Variants in GRK3 observed in about 807,000 individuals in gnomAD.
The protein encoded by GRK3 is G protein-coupled receptor kinase 3.
Under a neutral mutation model 95.7 loss-of-function variants are expected in GRK3, and 54 were observed. The ratio of observed to expected loss-of-function variants is 0.56; its 90% CI spans 0.45 to 0.71. GRK3 has a LOEUF of 0.71. GRK3 is among the 30% of genes least tolerant of loss of function. The probability of loss-of-function intolerance (pLI) is 0.00; values close to 1 mark genes in which losing one functional copy is unlikely to be tolerated. For missense variants in GRK3, 649 were observed against 851.2 expected (o/e 0.76, Z 2.96); for synonymous variants, 281 against 290.8 (o/e 0.97, Z 0.34).
chr22:25,629,006 C>T (rs1044049039), intron 2 of GRK3, among the ~76,000 whole-genome samples: 15 of 152,014 alleles, frequency 9.9e-5, no homozygotes, highest in Admixed American at 7.2e-4. Context: ...AGATGAAGGG[C>T]AGGAAAGAGG....
intron 2 of GRK3, among the ~76,000 whole-genome samples, chr22:25,622,568 G>A (rs1261965412): frequency 6.6e-6 from 1 of 152,188 alleles, no homozygotes; most frequent in Non-Finnish European, 1.5e-5. Context: ...AAAGAGGGGA[G>A]GCAGGGAACT....
intron 13 of GRK3, among the ~76,000 whole-genome samples, chr22:25,700,037 G>A (rs959631368): frequency 6.6e-6 from 1 of 152,162 alleles, no homozygotes; most frequent in Non-Finnish European, 1.5e-5. Context: ...TGTGACCAGC[G>A]TGCCCCCTTG....
At chr22:25,699,799 C>T (rs947106922) in intron 13 of GRK3, among the ~76,000 whole-genome samples, 29 of 151,174 alleles carry the variant, frequency 1.9e-4, no homozygotes, top group Non-Finnish European at 3.1e-4. Flanking sequence ...CACGGATTCA[C>T]GCCATTCTCC....
intron 1 of GRK3, among the ~76,000 whole-genome samples, chr22:25,583,758 T>G (rs761483061): frequency 2.0e-5 from 3 of 152,222 alleles, no homozygotes; most frequent in Non-Finnish European, 4.4e-5. Flanking sequence ...ATAGCCTATA[T>G]TAGACATAGC....
chr22:25,695,842 T>TC (rs1267244571), intron 13 of GRK3, among the ~76,000 whole-genome samples: 1 of 149,786 alleles, frequency 6.7e-6, no homozygotes, highest in African/African-American at 2.5e-5. Context: ...CTAATTTTTT[T>TC]TTTTTTTTTT....
intron 3 of GRK3, among the ~76,000 whole-genome samples, chr22:25,647,020 C>CAAAAAAAAAAAA (rs1025786169): frequency 1.9e-5 from 1 of 54,016 alleles, no homozygotes. Context: ...GACTTTGTCT[C>CAAAAAAAAAAAA]AAAAAAAAAA....
At chr22:25,596,578 T>C (rs1274388100) in intron 1 of GRK3, among the ~76,000 whole-genome samples, 1 of 152,236 alleles carries the variant, frequency 6.6e-6, no homozygotes, top group Non-Finnish European at 1.5e-5. Flanking sequence ...GAGTGACTTC[T>C]CATAGCTAGG....
At chr22:25,567,936 A>G (rs1931549477) in intron 1 of GRK3, among the ~76,000 whole-genome samples, 2 of 152,254 alleles carry the variant, frequency 1.3e-5, no homozygotes, top group South Asian at 4.1e-4. Context: ...TGCTTCCCTG[A>G]GATGGCAAGA....
Position 25,606,765 on chromosome 22 carries a change from A to G in GRK3, c.190+2312A>G, listed in dbSNP as rs576979862. On this transcript the variant is annotated intron_variant, in intron 2 of 20. Transcript: ENST00000324198. ...TGTGTGCTGTAGGCAATTGGTAAAA[A>G]TGTTTTCAAAATGAAAACCATAGAA... Among the ~76,000 whole-genome samples the G allele has an allele frequency of 2.6e-5, 4 of 152,328 alleles. No homozygotes were observed. The South Asian group carries it at 8.3e-4, about 32-fold the overall frequency.
intron 1 of GRK3, among the ~76,000 whole-genome samples, chr22:25,598,308 C>T (rs559057067): frequency 1.3e-5 from 2 of 151,982 alleles, no homozygotes; most frequent in South Asian, 4.2e-4. Flanking sequence ...AAAATTGAAT[C>T]ATAAGAAGAA....
rs934093111 is a variant in GRK3 at position 25,726,688 on chromosome 22, C to T, written c.*4238C>T. The T allele has an allele frequency of 6.6e-6, 1 of 152,098 alleles. No homozygotes were observed. The highest frequency in any genetic ancestry group is 3.2e-3 in the Middle Eastern group (1 of 316). The allele number at this position is 152,098 out of a possible 1,614,324, so 9.4% of individuals were successfully genotyped here. On this transcript the variant is annotated 3_prime_UTR_variant, in exon 21 of 21. Transcript: ENST00000324198. Reference sequence around the variant, plus strand: ...AACTGAGTTAAAATAGGTGAAGTTTCTTTTTTCCCCCCTGTAACAGGAGAG... The same window carrying T: ...AACTGAGTTAAAATAGGTGAAGTTTTTTTTTTCCCCCCTGTAACAGGAGAG...
chr22:25,598,429 T>G lies in GRK3; in HGVS notation c.114-5948T>G, dbSNP rs529677932. ...GGCTCACGCCTGTATCCCAGCACTT[T>G]GGGAGTCTGAGCCGGGAGGATCACT... is the stretch of plus-strand genomic sequence containing the variant. On this transcript the variant is annotated intron_variant, in intron 1 of 20. Transcript: ENST00000324198. Among the ~76,000 whole-genome samples, 8 of 152,140 alleles carry G rather than the reference T, an allele frequency of 5.3e-5. No homozygotes were observed. In the South Asian group the frequency reaches 1.7e-3, roughly 32 times the overall value.
chr22:25,642,004 A>C (rs1035232637), intron 2 of GRK3, among the ~76,000 whole-genome samples: 16 of 152,234 alleles, frequency 1.1e-4, no homozygotes, highest in Non-Finnish European at 2.4e-4. Context: ...TTAAGTTCAA[A>C]TTCTCATGTT....
rs183316332 is a variant in GRK3, at chr22:25,696,521, A to C, written c.1160+1307A>C. 1.5e-3 allele frequency among the ~76,000 whole-genome samples: 221 copies of C among 152,334 alleles called. 3 individuals carry two copies. Among genetic ancestry groups the C allele is most frequent in the African/African-American group, 4.7e-3 (196 of 41,574 alleles). On this transcript the variant is annotated intron_variant, in intron 13 of 20. Transcript: ENST00000324198. ...CAATTTTAATGGAAAACTTCAGTTA[A>C]ATTTTTTTATTATTCAGACTCATAA...
intron 1 of GRK3, among the ~76,000 whole-genome samples, chr22:25,588,820 G>T (rs562394215): frequency 2.7e-5 from 4 of 150,688 alleles, no homozygotes; most frequent in African/African-American, 7.3e-5. Context: ...CCAGGCTGGA[G>T]TACAGTGGTA....
At chr22:25,633,212 C>T (rs931271219) in intron 2 of GRK3, among the ~76,000 whole-genome samples, 9 of 152,020 alleles carry the variant, frequency 5.9e-5, no homozygotes, top group South Asian at 2.1e-4. Flanking sequence ...CCACTGTGCC[C>T]GGCCTATAAT....
intron 1 of GRK3, among the ~76,000 whole-genome samples, chr22:25,570,096 A>G (rs1931635282): frequency 6.6e-6 from 1 of 151,914 alleles, no homozygotes; most frequent in Non-Finnish European, 1.5e-5. Context: ...ATTTGGGGGA[A>G]AAAATCCTTT....
intron 2 of GRK3, among the ~76,000 whole-genome samples, chr22:25,617,235 C>T (rs2084546479): frequency 2.0e-5 from 3 of 152,124 alleles, no homozygotes; most frequent in South Asian, 4.1e-4. Flanking sequence ...GAATTCATTT[C>T]CTTGTCTTAA....
chr22:25,618,378 C>T (rs575271545), intron 2 of GRK3, among the ~76,000 whole-genome samples: 20 of 152,216 alleles, frequency 1.3e-4, no homozygotes, highest in Admixed American at 1.2e-3. Flanking sequence ...CTGGTGTCTA[C>T]TTTGTCTAAT....
Sources: gnomAD v4.1 joint callset for allele counts (sites outside exome capture counted in the v4.1 genomes callset) on GRCh38, gnomAD v4.1.1 for gene constraint, MANE v1.5 for transcripts, NCBI Gene and HGNC (gene_info 2026-07-23, HGNC 2026-07-21) for gene names.